The following DZIP1L variants were observed in gnomAD, a reference collection of about 807,000 sequenced individuals.
DZIP1L encodes the protein cilium assembly protein DZIP1L.
In DZIP1L, 90 loss-of-function variants were observed where a neutral mutation model predicts 88.7. The observed-to-expected ratio is 1.02, with a 90% CI of 0.86 to 1.21. DZIP1L has a LOEUF of 1.21. DZIP1L is among the 50% of genes most tolerant of loss of function. The pLI is 0.00. For missense variants in DZIP1L, 932 were observed against 955.8 expected (o/e 0.98, Z 0.33); for synonymous variants, 363 against 372.1 (o/e 0.98, Z 0.28).
chr3:138,065,513 G>A (rs1319488888), intron 14 of DZIP1L, among the ~76,000 whole-genome samples: 1 of 152,208 alleles, frequency 6.6e-6, no homozygotes, highest in Non-Finnish European at 1.5e-5. Flanking sequence ...GGACAAGCAG[G>A]TAGTAAGTGG....
Position 138,071,760 on chromosome 3 carries a change from G to C in DZIP1L, c.1498C>G (p.Arg500Gly). ...AGACTCAGAAATTCAGAAAACTTCC[G>C]GGCCTTCTGCTCCCGCTGGACTCTC... is the stretch of plus-strand genomic sequence containing the variant. ...LLRVQREQKARKFSEFLSLRG... is the reference protein window; with the variant it reads ...LLRVQREQKAGKFSEFLSLRG... The change falls in exon 12 of 16, where the codon CGG becomes GGG. Residue 500 changes from arginine (R) to glycine (G), a missense_variant. Arg to Gly is a moderately radical substitution (Grantham distance 125). Coordinates refer to ENST00000327532, the MANE Select transcript of DZIP1L (RefSeq NM_173543.3). The C allele has an allele frequency of 6.2e-7, 1 of 1,614,146 alleles. No homozygotes were observed. The highest frequency in any genetic ancestry group is 1.1e-5 in the South Asian group (1 of 91,068).
intron 2 of DZIP1L, among the ~76,000 whole-genome samples, chr3:138,099,548 T>C (rs2622727): frequency 0.62 from 93,503 of 152,030 alleles, 29,918 homozygotes; most frequent in Non-Finnish European, 0.7. Flanking sequence ...TGAATGTTTG[T>C]CCCTTCCAAA....
intron 12 of DZIP1L, among the ~76,000 whole-genome samples, chr3:138,068,750 C>A (rs766426434): frequency 6.6e-6 from 1 of 152,160 alleles, no homozygotes; most frequent in African/African-American, 2.4e-5. Context: ...TGCAGGAAGA[C>A]CCCACTGCCA....
intron 10 of DZIP1L, chr3:138,080,360 T>A: frequency 2.0e-6 from 1 of 493,854 alleles, no homozygotes; most frequent in East Asian, 3.5e-5. Context: ...GGCTTCCCCA[T>A]CACTAAACCA....
In DZIP1L at chr3:138,110,797, T is replaced by C. The variant is rs559280372; in HGVS notation, c.-82+4531A>G. On this transcript the variant is annotated intron_variant, in intron 1 of 15. Transcript: ENST00000327532. ...CTTTACATGTATTATCCCACTTAAT[T>C]CTCACAACAACCTATTATGCAGATG... Among the ~76,000 whole-genome samples the C allele has an allele frequency of 3.3e-5, 5 of 152,356 alleles. No homozygotes were observed. In the South Asian group the frequency reaches 1.0e-3, roughly 32 times the overall value.
chr3:138,063,699 G>A lies in DZIP1L; in HGVS notation c.2143-722C>T, dbSNP rs329390. ...GCAGGGCAGCAAGCATGCTCTGAGC[G>A]GCGCCTCAATCTGTTTGGGGCTGTT... On this transcript the variant is annotated intron_variant, in intron 15 of 15. Transcript: ENST00000327532. This position sits in a 1 kb window ranked among gnomAD's most constrained non-coding sequence, Gnocchi z 4.1. Among the ~76,000 whole-genome samples the A allele has an allele frequency of 0.85, 128,980 of 152,266 alleles. 54,951 individuals are homozygous for A. Among genetic ancestry groups the A allele is most frequent in the Middle Eastern group, 0.89 (262 of 294 alleles).
chr3:138,084,791 G>A (rs993947917), intron 7 of DZIP1L, among the ~76,000 whole-genome samples: 5 of 152,162 alleles, frequency 3.3e-5, no homozygotes, highest in African/African-American at 1.2e-4. Context: ...ATGTGAATGT[G>A]AATGTGAATG....
At chr3:138,081,182 A>G (rs1014455665) in intron 9 of DZIP1L, among the ~76,000 whole-genome samples, 1 of 152,144 alleles carries the variant, frequency 6.6e-6, no homozygotes, top group Non-Finnish European at 1.5e-5. Context: ...GCCAAGCTTC[A>G]CAAGGGGCTG....
rs1246301104 is a variant in DZIP1L at position 138,064,613 on chromosome 3, C to T, written c.2142+15G>A. 6.2e-7 allele frequency: 1 copy of T among 1,614,074 alleles called. No homozygotes were observed. Among genetic ancestry groups the T allele is most frequent in the Non-Finnish European group, 8.5e-7 (1 of 1,180,034 alleles). On this transcript the variant is annotated intron_variant, in intron 15 of 15. Transcript: ENST00000327532. Reference sequence around the variant, plus strand: ...AGAGAATTCCAGAGTAAACTCTAAGCATCCTACATCCTACCTGAGGCTTCC... The same window carrying T: ...AGAGAATTCCAGAGTAAACTCTAAGTATCCTACATCCTACCTGAGGCTTCC...
At position 138,103,381 on chromosome 3, in the gene DZIP1L, G is replaced by T. The variant is rs925569853; in HGVS notation, c.501+90C>A. On this transcript the variant is annotated intron_variant, in intron 2 of 15. Coordinates refer to ENST00000327532, the MANE Select transcript of DZIP1L (RefSeq NM_173543.3). Reference sequence around the variant, plus strand: ...AGAACAGCCCCCCAGCAGCCTTAAGGTCCCAGCAGTGCTGCCCAGTGGCAA... The same window carrying T: ...AGAACAGCCCCCCAGCAGCCTTAAGTTCCCAGCAGTGCTGCCCAGTGGCAA... 3.4e-5 allele frequency: 49 copies of T among 1,422,834 alleles called. No individual in the cohort carries two copies. The African/African-American group carries it at 5.7e-4, about 16-fold the overall frequency. 88.1% of individuals were successfully genotyped at this position (1,422,834 alleles called of 1,614,324 possible). A position where few individuals can be genotyped will look rare whatever the true frequency, so the allele number is the denominator to read the frequency against.
At chr3:138,078,841 C>A (rs1418013425) in intron 10 of DZIP1L, among the ~76,000 whole-genome samples, 1 of 152,178 alleles carries the variant, frequency 6.6e-6, no homozygotes. Flanking sequence ...GGAACCCACC[C>A]ACTCCATGTT....
intron 8 of DZIP1L, among the ~76,000 whole-genome samples, chr3:138,083,816 G>A (rs551550265): frequency 4.7e-4 from 71 of 152,338 alleles, no homozygotes; most frequent in African/African-American, 1.6e-3. Context: ...ATAGTAGTGA[G>A]GCTTAAATGA....
Position 138,067,512 on chromosome 3 carries a change from C to T in DZIP1L, c.2002+19G>A. ...TACACCGGTGGTCCCAGCCCACTCA[C>T]CCAAAGGTGCCAGCTCACCTGAGCC... On this transcript the variant is annotated intron_variant, in intron 14 of 15. Coordinates refer to ENST00000327532, the MANE Select transcript of DZIP1L (RefSeq NM_173543.3). 6.3e-7 allele frequency: 1 copy of T among 1,578,448 alleles called. No homozygotes were observed. Among genetic ancestry groups the T allele is most frequent in the Non-Finnish European group, 8.6e-7 (1 of 1,166,442 alleles).
At chr3:138,074,184 A>G (rs1474961037) in intron 11 of DZIP1L, among the ~76,000 whole-genome samples, 1 of 152,222 alleles carries the variant, frequency 6.6e-6, no homozygotes, top group Non-Finnish European at 1.5e-5. Context: ...AGACCTAGGC[A>G]TCCAAATACA....
chr3:138,071,425 G>A (rs2107743803), intron 12 of DZIP1L, among the ~76,000 whole-genome samples: 1 of 152,294 alleles, frequency 6.6e-6, no homozygotes, highest in South Asian at 2.1e-4. Context: ...ACTTCCCCGA[G>A]TGACCCTGGA....
intron 1 of DZIP1L, among the ~76,000 whole-genome samples, chr3:138,112,035 G>A (rs911862754): frequency 6.6e-6 from 1 of 151,776 alleles, no homozygotes; most frequent in Non-Finnish European, 1.5e-5. Context: ...CAGAACTGTG[G>A]AACTTGAAGA....
rs778793448 is a variant in DZIP1L, at chr3:138,077,634, T to G, written c.1289-2A>C. ...GTTCATCCTGGGAGTCCTCCATCTCTGTAGCATGAGACATTCACCCAGATC... is the reference window on the plus strand; with the variant it reads ...GTTCATCCTGGGAGTCCTCCATCTCGGTAGCATGAGACATTCACCCAGATC... On this transcript the variant is annotated splice_acceptor_variant, in intron 10 of 15. Coordinates refer to ENST00000327532, the MANE Select transcript of DZIP1L (RefSeq NM_173543.3). LOFTEE classifies it high-confidence loss of function. 1 of 1,614,066 alleles carries G rather than the reference T, an allele frequency of 6.2e-7. No homozygotes were observed.
Position 138,068,298 on chromosome 3 carries a change from AAG to A in DZIP1L, c.1683_1684del (p.Leu562AlafsTer56), listed in dbSNP as rs1282486461. On this transcript the variant is annotated frameshift_variant, in exon 13 of 16. Coordinates refer to ENST00000327532, the MANE Select transcript of DZIP1L (RefSeq NM_173543.3). LOFTEE classifies it high-confidence loss of function. Reference sequence around the variant, plus strand: ...GGGTGGCTCTGCCGGTGTGGATGGCAAGGCCACCTGCAGGGTCCTGGTCTTTG... The same window carrying A: ...GGGTGGCTCTGCCGGTGTGGATGGCAGCCACCTGCAGGGTCCTGGTCTTTG... 6.3e-7 allele frequency: 1 copy of A among 1,594,846 alleles called. No individual in the cohort carries two copies. The highest frequency in any genetic ancestry group is 8.5e-7 in the Non-Finnish European group (1 of 1,169,750).
chr3:138,063,078 G>A lies in DZIP1L; in HGVS notation c.2143-101C>T. 1 of 1,324,664 alleles carries A rather than the reference G, an allele frequency of 7.5e-7. No homozygotes were observed. The highest frequency in any genetic ancestry group is 1.0e-6 in the Non-Finnish European group (1 of 958,170). The allele number at this position is 1,324,664 out of a possible 1,614,324, so 82.1% of individuals were successfully genotyped here. A position where few individuals can be genotyped will look rare whatever the true frequency, so the allele number is the denominator to read the frequency against. ...GATGGGAATGCAGAATGGAAATGGG[G>A]ACAAATGCAGACTGGGAAGAAAGCA... On this transcript the variant is annotated intron_variant, in intron 15 of 15. Transcript: ENST00000327532. The surrounding 1 kb of genome is among the most constrained non-coding windows in gnomAD (Gnocchi z 4.1).
Sources: gnomAD v4.1 joint callset for allele counts (sites outside exome capture counted in the v4.1 genomes callset) on GRCh38, gnomAD v4.1.1 for gene constraint, Gnocchi (gnomAD v3.1) non-coding constraint, MANE v1.5 for transcripts, NCBI Gene and HGNC (gene_info 2026-07-23, HGNC 2026-07-21) for gene names.